The following ZNF79 variants were observed in gnomAD, a reference collection of about 807,000 sequenced individuals.
ZNF79 encodes the protein zinc finger protein 79, also known as ZNFpT7.
ZNF79 carries 13 observed loss-of-function variants against 14.9 expected under a neutral mutation model. The observed-to-expected ratio is 0.87, with a 90% CI of 0.57 to 1.38. ZNF79 has a LOEUF of 1.38. Among genes scored for constraint, ZNF79 ranks in the 40% most tolerant of loss-of-function variants. The pLI, the probability that ZNF79 is intolerant of heterozygous loss-of-function variation, is 0.00. For missense variants in ZNF79, 631 were observed against 630.6 expected (o/e 1.00, Z -0.01); for synonymous variants, 223 against 235.1 (o/e 0.95, Z 0.47).
intron 2 of ZNF79, among the ~76,000 whole-genome samples, chr9:127,433,358 G>T (rs1833893628): frequency 1.3e-5 from 2 of 152,162 alleles, no homozygotes; most frequent in South Asian, 4.1e-4. Flanking sequence ...GTGAACAGAG[G>T]CCCCATTCCC....
At position 127,424,605 on chromosome 9, in the gene ZNF79, C is replaced by T; in HGVS notation, c.-183C>T. ...GAGTGGAACACCCGGCTGGGCAGGCCCGGACAGCTCCCGCGACCCAGCACC... is the reference window on the plus strand; with the variant it reads ...GAGTGGAACACCCGGCTGGGCAGGCTCGGACAGCTCCCGCGACCCAGCACC... On this transcript the variant is annotated 5_prime_UTR_variant, in exon 1 of 5. Coordinates refer to ENST00000342483, the MANE Select transcript of ZNF79 (RefSeq NM_007135.3). The T allele has an allele frequency of 1.2e-6, 1 of 825,170 alleles. No homozygotes were observed. Among genetic ancestry groups the T allele is most frequent in the Non-Finnish European group, 1.9e-6 (1 of 524,378 alleles). The allele number at this position is 825,170 out of a possible 1,614,324, so 51.1% of individuals were successfully genotyped here.
At chr9:127,433,658 C>T (rs867001718) in intron 2 of ZNF79, among the ~76,000 whole-genome samples, 5 of 151,592 alleles carry the variant, frequency 3.3e-5, no homozygotes, top group Non-Finnish European at 5.9e-5. Context: ...ACTCCAGATC[C>T]GTGTTTTCAC....
chr9:127,433,137 C>G (rs1205939823), intron 2 of ZNF79, among the ~76,000 whole-genome samples: 2 of 152,002 alleles, frequency 1.3e-5, no homozygotes, highest in Non-Finnish European at 2.9e-5. Context: ...ATGTACCTCT[C>G]GGTGTAATGA....
chr9:127,430,862 C>T (rs530264212), intron 2 of ZNF79, among the ~76,000 whole-genome samples: 12 of 152,196 alleles, frequency 7.9e-5, no homozygotes, highest in Non-Finnish European at 5.9e-5. Context: ...ACTGTTTTTC[C>T]GGAGTGACTG....
At chr9:127,433,441 C>T (rs1224706517) in intron 2 of ZNF79, among the ~76,000 whole-genome samples, 1 of 152,106 alleles carries the variant, frequency 6.6e-6, no homozygotes, top group African/African-American at 2.4e-5. Context: ...TTTGAGGTTC[C>T]TGTGGGGCCT....
At position 127,424,698 on chromosome 9, in the gene ZNF79, G is replaced by A. The variant is rs1006963490; in HGVS notation, c.-90G>A. On this transcript the variant is annotated 5_prime_UTR_variant, in exon 1 of 5. Transcript: ENST00000342483. ...AGAGTCCGGCCTGGGAGCCGTCAGA[G>A]CAGCCCTGCAGAACGGGGTGGGGGC... 1.4e-5 allele frequency: 22 copies of A among 1,595,730 alleles called. No homozygotes were observed. The African/African-American group carries it at 2.9e-4, about 21-fold the overall frequency.
intron 1 of ZNF79, among the ~76,000 whole-genome samples, chr9:127,428,289 C>T (rs927636301): frequency 6.6e-6 from 1 of 152,160 alleles, no homozygotes; most frequent in South Asian, 2.1e-4. Context: ...CCAAGAGTTA[C>T]TTCTTAACTT....
In ZNF79 at chr9:127,428,937, C is replaced by A. The variant is rs746088021; in HGVS notation, c.105+17C>A. The A allele has an allele frequency of 2.7e-5, 41 of 1,538,814 alleles. No homozygotes were observed. Among genetic ancestry groups the A allele is most frequent in the Admixed American group, 5.9e-5 (3 of 51,006 alleles). On this transcript the variant is annotated intron_variant, in intron 2 of 4. Transcript: ENST00000342483. ...GGGCCCCGGGTAAGTTGGAAATTAA[C>A]TTTGGAAGGCATCCTTTTCTTCCCC...
At chr9:127,431,349 C>A (rs4395989) in intron 2 of ZNF79, among the ~76,000 whole-genome samples, 2,857 of 151,728 alleles carry the variant, frequency 0.019, 42 homozygotes, top group Non-Finnish European at 0.03. Context: ...CTCCACCCCC[C>A]CAATGCTCAA....
chr9:127,438,153 A>G (rs1346741017), intron 4 of ZNF79, among the ~76,000 whole-genome samples: 1 of 152,050 alleles, frequency 6.6e-6, no homozygotes, highest in East Asian at 1.9e-4. Context: ...TCCCCCACAC[A>G]CCAAGCAAGC....
At chr9:127,424,892 C>T (rs1172932675) in intron 1 of ZNF79, 89 bp downstream of exon 1, 1 of 1,588,516 alleles carries the variant, frequency 6.3e-7, no homozygotes, top group Non-Finnish European at 8.6e-7. Flanking sequence ...AATCAGAACT[C>T]TCTTTATCTC....
At chr9:127,440,719 C>A (rs1455257547) in intron 4 of ZNF79, among the ~76,000 whole-genome samples, 1 of 152,154 alleles carries the variant, frequency 6.6e-6, no homozygotes, top group African/African-American at 2.4e-5. Context: ...TAGGAGGCGG[C>A]TCTTGCAGAC....
chr9:127,430,855 G>A (rs1328730899), intron 2 of ZNF79, among the ~76,000 whole-genome samples: 2 of 152,240 alleles, frequency 1.3e-5, no homozygotes, highest in African/African-American at 2.4e-5. Flanking sequence ...TCTCCAAACT[G>A]TTTTTCCGGA....
rs755235307 is a variant in ZNF79 at position 127,445,186 on chromosome 9, G to A, written c.1486G>A (p.Ala496Thr). Residue 496 changes from alanine (A) to threonine (T), a missense_variant, in exon 5 of 5, where the codon GCC becomes ACC. Ala to Thr is a moderately conservative substitution (Grantham distance 58). Transcript: ENST00000342483. ...CTTCGTTAGACATCAGAGACTCCAC[G>A]CCGGAGAGTAACTAGGAACATGGTA... ...SAFVRHQRLHAGE is the reference protein window; with the variant it reads ...SAFVRHQRLHTGE The A allele has an allele frequency of 1.8e-5, 29 of 1,613,732 alleles. No individual in the cohort carries two copies. In the East Asian group the frequency reaches 2.0e-4, roughly 11 times the overall value.
At chr9:127,435,288 G>A (rs769834739) in intron 3 of ZNF79, 72 bp downstream of exon 3, 4 of 1,493,890 alleles carry the variant, frequency 2.7e-6, no homozygotes, top group Non-Finnish European at 3.6e-6. Flanking sequence ...TTTCCAGCAT[G>A]TAGGGGTTTC....
intron 4 of ZNF79, among the ~76,000 whole-genome samples, chr9:127,440,208 C>A (rs192929309): frequency 2.0e-5 from 3 of 152,232 alleles, no homozygotes; most frequent in African/African-American, 4.8e-5. Flanking sequence ...GAAAATAAAG[C>A]TGCGCAAGGG....
chr9:127,443,654 T>G (rs199585244), intron 4 of ZNF79, among the ~76,000 whole-genome samples: 1 of 151,836 alleles, frequency 6.6e-6, no homozygotes, highest in African/African-American at 2.4e-5. Flanking sequence ...GTAATCCCAG[T>G]ACTTTGGGAG....
chr9:127,424,932 T>C, intron 1 of ZNF79, 129 bp downstream of exon 1: 1 of 1,539,208 alleles, frequency 6.5e-7, no homozygotes, highest in Non-Finnish European at 8.8e-7. Context: ...CAATCATTTT[T>C]TCTTTCTTTG....
intron 4 of ZNF79, among the ~76,000 whole-genome samples, chr9:127,442,465 C>T (rs1834067141): frequency 6.6e-6 from 1 of 151,430 alleles, no homozygotes; most frequent in African/African-American, 2.4e-5. Context: ...AAAAATGGTA[C>T]ACCTGTATAG....
Sources: gnomAD v4.1 joint callset for allele counts (sites outside exome capture counted in the v4.1 genomes callset) on GRCh38, gnomAD v4.1.1 for gene constraint, MANE v1.5 for transcripts, NCBI Gene and HGNC (gene_info 2026-07-23, HGNC 2026-07-21) for gene names.